The following CCDC92B variants were observed in gnomAD, a reference collection of about 807,000 sequenced individuals.
CCDC92B encodes the protein coiled-coil domain containing 92B.
A neutral mutation model predicts 5.6 loss-of-function variants in CCDC92B; 2 were observed. The ratio of observed to expected loss-of-function variants is 0.36; its 90% CI spans 0.15 to 1.12. The LOEUF (loss-of-function observed/expected upper bound fraction) is 1.12, where lower values mean the gene tolerates loss of function less well. Ranked by LOEUF, CCDC92B falls within the 50% of genes most tolerant of loss-of-function variation. The pLI is 0.40. For synonymous variants in CCDC92B, 115 were observed against 122.3 expected, an observed-to-expected ratio of 0.94 and a Z score of 0.39; for missense variants, 271 against 262.2, an observed-to-expected ratio of 1.03 and a Z score of -0.23.
chr17:2,729,396 C>T lies in CCDC92B; in HGVS notation c.178+1050G>A, dbSNP rs1459964974. Reference sequence around the variant, plus strand: ...GTTGTCTCAGCTACTTGGGAGGCTGCAGCAGGAGAATCACTTGAACACGGG... The same window carrying T: ...GTTGTCTCAGCTACTTGGGAGGCTGTAGCAGGAGAATCACTTGAACACGGG... On this transcript the variant is annotated intron_variant, in intron 3 of 3. Transcript: ENST00000614400. 3.3e-5 allele frequency among the ~76,000 whole-genome samples: 5 copies of T among 150,272 alleles called. No homozygotes were observed. The East Asian group carries it at 7.9e-4, about 24-fold the overall frequency.
chr17:2,739,481 C>T (rs1281394994), intron 1 of CCDC92B, among the ~76,000 whole-genome samples: 1 of 151,284 alleles, frequency 6.6e-6, no homozygotes, highest in African/African-American at 2.4e-5. Flanking sequence ...GAGATCAAGA[C>T]CATCCTGGCT....
rs145706188 is a variant in CCDC92B at position 2,725,122 on chromosome 17, C to T, written c.179-122G>A. ...GCGCGGGGCCTCATTTCTGCAATCC[C>T]AGCACTTTGGGAGGCCGAGATGGGC... On this transcript the variant is annotated intron_variant, in intron 3 of 3. Transcript: ENST00000614400. 665 of 985,702 alleles carry T rather than the reference C, an allele frequency of 6.7e-4. 3 individuals are homozygous for T. In the African/African-American group the frequency reaches 9.0e-3, roughly 13 times the overall value. 61.1% of individuals were successfully genotyped at this position (985,702 alleles called of 1,614,324 possible). A position where few individuals can be genotyped will look rare whatever the true frequency, so the allele number is the denominator to read the frequency against.
In CCDC92B at chr17:2,721,200, CA is replaced by C. The variant is rs1447979091; in HGVS notation, c.*3210del. The C allele has an allele frequency of 6.6e-6, 1 of 152,398 alleles. No individual in the cohort carries two copies. Among genetic ancestry groups the C allele is most frequent in the Non-Finnish European group, 1.5e-5 (1 of 68,228 alleles). 9.4% of individuals were successfully genotyped at this position (152,398 alleles called of 1,614,324 possible). On this transcript the variant is annotated 3_prime_UTR_variant, in exon 4 of 4. Transcript: ENST00000614400. ...GGTGCTGTGGCTGAGCTGTGGGGGC[CA>C]GGGGTACAGAGCCTCAAACCGCACT...
chr17:2,743,275 C>T (rs1273474347), intron 1 of CCDC92B, among the ~76,000 whole-genome samples: 3 of 152,060 alleles, frequency 2.0e-5, no homozygotes, highest in Non-Finnish European at 4.4e-5. Context: ...AAGAAAAATA[C>T]AAAAAATTAG....
At chr17:2,740,490 C>T (rs776858329) in intron 1 of CCDC92B, among the ~76,000 whole-genome samples, 6 of 151,712 alleles carry the variant, frequency 4.0e-5, no homozygotes, top group African/African-American at 1.5e-4. Flanking sequence ...GGGTGAAATA[C>T]TGTCTCTACT....
At chr17:2,733,920 G>A (rs2070828765) in intron 2 of CCDC92B, among the ~76,000 whole-genome samples, 1 of 151,232 alleles carries the variant, frequency 6.6e-6, no homozygotes, top group South Asian at 2.1e-4. Flanking sequence ...CACCACGCCT[G>A]GCTAATTTTT....
intron 2 of CCDC92B, among the ~76,000 whole-genome samples, chr17:2,731,260 C>T (rs2070792418): frequency 1.3e-5 from 2 of 152,092 alleles, no homozygotes; most frequent in Non-Finnish European, 2.9e-5. Flanking sequence ...GCCTGCCTGT[C>T]CCCCCAGTCT....
Position 2,735,214 on chromosome 17 carries a change from C to T in CCDC92B, c.-23-46G>A, listed in dbSNP as rs953217610. On this transcript the variant is annotated intron_variant, in intron 1 of 3. Coordinates refer to ENST00000614400, the MANE Select transcript of CCDC92B (RefSeq NM_001355573.2). ...AACCCACCTCTTCTGAGCCCATCTG[C>T]GCTGCCCCACCCTCAGCTCTTTCAC... 191 of 984,592 alleles carry T rather than the reference C, an allele frequency of 1.9e-4. 1 individual carries two copies. The African/African-American group carries it at 2.8e-3, about 15-fold the overall frequency. The allele number at this position is 984,592 out of a possible 1,614,324, so 61.0% of individuals were successfully genotyped here.
chr17:2,736,883 A>AAAATAAATAAAT (rs71377535), intron 1 of CCDC92B, among the ~76,000 whole-genome samples: 3,036 of 145,942 alleles, frequency 0.021, 132 homozygotes, highest in African/African-American at 0.073. Flanking sequence ...TCTGTCTCAA[A>AAAATAAATAAAT]AAATAAATAA....
rs554694839 is a variant in CCDC92B, at chr17:2,736,350, C to G, written c.-23-1182G>C. Among the ~76,000 whole-genome samples, 78 of 152,180 alleles carry G rather than the reference C, an allele frequency of 5.1e-4. 1 individual carries two copies. The South Asian group carries it at 6.0e-3, about 12-fold the overall frequency. ...GCTGAGGCAGGAGAATGGCTTGAAC[C>G]CGGGAGGCGGAGGTTGCAGTGAACT... On this transcript the variant is annotated intron_variant, in intron 1 of 3. Coordinates refer to ENST00000614400, the MANE Select transcript of CCDC92B (RefSeq NM_001355573.2).
In CCDC92B at chr17:2,723,965, G is replaced by A. The variant is rs1006376510; in HGVS notation, c.*446C>T. 27 of 974,322 alleles carry A rather than the reference G, an allele frequency of 2.8e-5. No individual in the cohort carries two copies. The African/African-American group carries it at 4.6e-4, about 16-fold the overall frequency. The allele number at this position is 974,322 out of a possible 1,614,324, so 60.4% of individuals were successfully genotyped here. On this transcript the variant is annotated 3_prime_UTR_variant, in exon 4 of 4. Coordinates refer to ENST00000614400, the MANE Select transcript of CCDC92B (RefSeq NM_001355573.2). ...GGCTTGGCGGGAAGGGCGTCGGCGC[G>A]GGGGTGGGGGAGGCGGGGGGTGGGG...
At position 2,741,557 on chromosome 17, in the gene CCDC92B, T is replaced by C. The variant is rs528903703; in HGVS notation, c.-23-6389A>G. Among the ~76,000 whole-genome samples the C allele has an allele frequency of 8.0e-5, 12 of 150,704 alleles. 1 individual carries two copies. The highest frequency in any genetic ancestry group is 7.9e-4 in the Admixed American group (12 of 15,176). ...ACCCAGGCGTTGAGGTGTCCACCTG[T>C]AGTCCTAGCTACTTGGGAGGCCGAG... On this transcript the variant is annotated intron_variant, in intron 1 of 3. Coordinates refer to ENST00000614400, the MANE Select transcript of CCDC92B (RefSeq NM_001355573.2).
In CCDC92B at chr17:2,723,934, G is replaced by A. The variant is rs1318937246; in HGVS notation, c.*477C>T. 121 of 969,368 alleles carry A rather than the reference G, an allele frequency of 1.2e-4. No individual in the cohort carries two copies. Among genetic ancestry groups the A allele is most frequent in the Non-Finnish European group, 1.4e-4 (119 of 825,980 alleles). 60.0% of individuals were successfully genotyped at this position (969,368 alleles called of 1,614,324 possible). A position where few individuals can be genotyped will look rare whatever the true frequency, so the allele number is the denominator to read the frequency against. On this transcript the variant is annotated 3_prime_UTR_variant, in exon 4 of 4. Coordinates refer to ENST00000614400, the MANE Select transcript of CCDC92B (RefSeq NM_001355573.2). ...CCTAGCCTGGGCCTCTCCTGGGGAGGAAGAAGGCTTGGCGGGAAGGGCGTC... is the reference window on the plus strand; with the variant it reads ...CCTAGCCTGGGCCTCTCCTGGGGAGAAAGAAGGCTTGGCGGGAAGGGCGTC...
chr17:2,731,084 G>C (rs943385843), intron 2 of CCDC92B, among the ~76,000 whole-genome samples: 1 of 152,160 alleles, frequency 6.6e-6, no homozygotes, highest in Non-Finnish European at 1.5e-5. Context: ...CAGTTGCGCC[G>C]TATTCCCCAC....
In CCDC92B at chr17:2,721,748, A is replaced by C. The variant is rs2070659865; in HGVS notation, c.*2663T>G. The C allele has an allele frequency of 1.3e-5, 2 of 152,300 alleles. No homozygotes were observed. The highest frequency in any genetic ancestry group is 2.9e-5 in the Non-Finnish European group (2 of 68,100). 9.4% of individuals were successfully genotyped at this position (152,300 alleles called of 1,614,324 possible). A position where few individuals can be genotyped will look rare whatever the true frequency, so the allele number is the denominator to read the frequency against. On this transcript the variant is annotated 3_prime_UTR_variant, in exon 4 of 4. Coordinates refer to ENST00000614400, the MANE Select transcript of CCDC92B (RefSeq NM_001355573.2). ...CTTTCCCAGGCACCTCCAGCACCTC[A>C]GCTGAGAGTCAGTGAGTCAGCTGCC...
At chr17:2,736,888 AAATAAAT>A (rs1439642898) in intron 1 of CCDC92B, among the ~76,000 whole-genome samples, 102 of 51,858 alleles carry the variant, frequency 2.0e-3, no homozygotes, top group African/African-American at 4.9e-3. Flanking sequence ...CTCAAAAAAT[AAATAAAT>A]AAATAAATAA....
chr17:2,725,066 A>G, intron 3 of CCDC92B, 66 bp from the exon 4 acceptor site: 1 of 984,330 alleles, frequency 1.0e-6, no homozygotes, highest in South Asian at 4.7e-5. Context: ...TGCACGGCTC[A>G]GAGCTCCGTG....
intron 3 of CCDC92B, among the ~76,000 whole-genome samples, chr17:2,728,839 G>GT (rs1470793953): frequency 6.6e-6 from 1 of 152,154 alleles, no homozygotes; most frequent in Non-Finnish European, 1.5e-5. Flanking sequence ...GTCCAAGTTC[G>GT]TAAGTGTTTA....
chr17:2,734,911 A>G (rs2070840708), intron 2 of CCDC92B, 105 bp downstream of exon 2: 1 of 825,754 alleles, frequency 1.2e-6, no homozygotes, highest in Non-Finnish European at 1.5e-6. Flanking sequence ...GAATCGGTGC[A>G]GTGTGAGGCT....
Sources: allele counts gnomAD v4.1 joint callset (sites outside exome capture counted in the v4.1 genomes callset), GRCh38; gene constraint gnomAD v4.1.1; transcripts MANE v1.5; gene names NCBI Gene and HGNC (gene_info 2026-07-23, HGNC 2026-07-21).